STPG2: variants seen among roughly 807,000 people sequenced by gnomAD.
STPG2 encodes the protein sperm tail PG-rich repeat containing 2.
In STPG2, 56 loss-of-function variants were observed where a neutral mutation model predicts 54.2. The ratio of observed to expected loss-of-function variants is 1.03; its 90% CI spans 0.83 to 1.29. The LOEUF (loss-of-function observed/expected upper bound fraction) is 1.29. Among genes scored for constraint, STPG2 ranks in the 50% most tolerant of loss-of-function variants. The probability of loss-of-function intolerance (pLI) is 0.00; values close to 1 mark genes in which losing one functional copy is unlikely to be tolerated. For synonymous variants in STPG2, 200 were observed against 181.8 expected (o/e 1.10, Z -0.81); for missense variants, 596 against 544.9 (o/e 1.09, Z -0.93).
At chr4:97,634,910 C>A (rs1446130373) in intron 10 of STPG2, among the ~76,000 whole-genome samples, 3 of 152,142 alleles carry the variant, frequency 2.0e-5, no homozygotes, top group African/African-American at 7.2e-5. Context: ...AGTTGGAAAA[C>A]ACTCTGCAGG....
chr4:97,802,892 C>A (rs1030637558), intron 9 of STPG2, among the ~76,000 whole-genome samples: 20 of 152,224 alleles, frequency 1.3e-4, no homozygotes, highest in Non-Finnish European at 2.5e-4. Context: ...AAAAAAAGAT[C>A]AACTCAAGTA....
chr4:98,119,762 C>G (rs993286122), intron 3 of STPG2, among the ~76,000 whole-genome samples: 2 of 152,034 alleles, frequency 1.3e-5, no homozygotes, highest in Non-Finnish European at 2.9e-5. Context: ...CCAATGGGCC[C>G]CAGTGTGTGT....
rs570909089 is a variant in STPG2 at position 97,608,433 on chromosome 4, C to T, written c.1321-49316G>A. 1.3e-4 allele frequency among the ~76,000 whole-genome samples: 20 copies of T among 152,128 alleles called. No homozygotes were observed. In the South Asian group the frequency reaches 3.3e-3, roughly 25 times the overall value. On this transcript the variant is annotated intron_variant, in intron 10 of 10. Transcript: ENST00000295268. Reference sequence around the variant, plus strand: ...GCCCGTGTGAAGAGAAGGGAGGAATCGCTGCATCCTTGCTGTACATTTGCT... The same window carrying T: ...GCCCGTGTGAAGAGAAGGGAGGAATTGCTGCATCCTTGCTGTACATTTGCT...
At chr4:97,698,178 G>A (rs902401979) in intron 10 of STPG2, among the ~76,000 whole-genome samples, 1 of 152,070 alleles carries the variant, frequency 6.6e-6, no homozygotes, top group East Asian at 1.9e-4. Context: ...TTTTCTTGGT[G>A]GAGTGACTCA....
At chr4:98,130,662 C>A (rs1327015618) in intron 2 of STPG2, among the ~76,000 whole-genome samples, 1 of 152,012 alleles carries the variant, frequency 6.6e-6, no homozygotes, top group Non-Finnish European at 1.5e-5. Flanking sequence ...GTGGCTCACA[C>A]CTGTAATCCC....
At chr4:97,612,090 T>C (rs1733744611) in intron 10 of STPG2, among the ~76,000 whole-genome samples, 2 of 151,720 alleles carry the variant, frequency 1.3e-5, no homozygotes, top group Admixed American at 1.3e-4. Flanking sequence ...AAGAAAAGAA[T>C]TTAATAATTG....
downstream of STPG2, among the ~76,000 whole-genome samples, chr4:97,557,921 T>C (rs1045000889): frequency 3.9e-5 from 6 of 152,136 alleles, no homozygotes; most frequent in Non-Finnish European, 5.9e-5. Flanking sequence ...AAGAAAGGCA[T>C]AGAAACAAGA....
intron 4 of STPG2, among the ~76,000 whole-genome samples, chr4:97,538,052 A>T (rs1265113445): frequency 2.0e-5 from 3 of 152,198 alleles, no homozygotes; most frequent in African/African-American, 7.2e-5. Flanking sequence ...GTACGTCACC[A>T]TCATCAAAGA....
chr4:98,037,823 T>C (rs1736822052), intron 5 of STPG2, among the ~76,000 whole-genome samples: 1 of 152,006 alleles, frequency 6.6e-6, no homozygotes, highest in African/African-American at 2.4e-5. Context: ...AAAATACAGA[T>C]TTAAAAAGAT....
intron 5 of STPG2, among the ~76,000 whole-genome samples, chr4:98,010,422 C>G (rs911143898): frequency 1.3e-5 from 2 of 151,986 alleles, no homozygotes; most frequent in African/African-American, 4.8e-5. Flanking sequence ...TCTGTTTTGC[C>G]TGATATAAAG....
chr4:97,801,120 T>C (rs1727381283), intron 9 of STPG2, among the ~76,000 whole-genome samples: 1 of 152,208 alleles, frequency 6.6e-6, no homozygotes. Flanking sequence ...CTCTGACCCC[T>C]TGTGCTTCCC....
At chr4:98,099,335 C>T (rs1230546050) in intron 5 of STPG2, among the ~76,000 whole-genome samples, 1 of 152,098 alleles carries the variant, frequency 6.6e-6, no homozygotes, top group Non-Finnish European at 1.5e-5. Flanking sequence ...AACTGGAGGT[C>T]ATTATGTTAA....
chr4:97,461,590 C>G (rs1729665148), intron 4 of STPG2, among the ~76,000 whole-genome samples: 1 of 152,130 alleles, frequency 6.6e-6, no homozygotes, highest in African/African-American at 2.4e-5. Flanking sequence ...AGATTTCTAG[C>G]AAACTGCGAG....
At chr4:97,777,415 G>C (rs1343068328) in intron 9 of STPG2, among the ~76,000 whole-genome samples, 2 of 152,142 alleles carry the variant, frequency 1.3e-5, no homozygotes, top group Non-Finnish European at 2.9e-5. Flanking sequence ...ATGCCTCCCA[G>C]GCAGCATAAA....
intron 7 of STPG2, among the ~76,000 whole-genome samples, chr4:97,948,658 T>A (rs1265325530): frequency 6.6e-6 from 1 of 152,158 alleles, no homozygotes; most frequent in East Asian, 1.9e-4. Context: ...CAACTTGATT[T>A]CATTTTTAAC....
At chr4:97,588,105 T>C (rs529917874) in intron 10 of STPG2, among the ~76,000 whole-genome samples, 19 of 152,074 alleles carry the variant, frequency 1.2e-4, no homozygotes, top group Admixed American at 1.2e-3. Flanking sequence ...GAACCAATCA[T>C]GGTGACTCAC....
At chr4:97,496,593 T>G (rs543002021) in intron 4 of STPG2, among the ~76,000 whole-genome samples, 1 of 151,878 alleles carries the variant, frequency 6.6e-6, no homozygotes, top group East Asian at 1.9e-4. Flanking sequence ...ACATTAGGTT[T>G]GGAAAATAAA....
At chr4:97,953,216 G>T (rs778943073) in intron 7 of STPG2, among the ~76,000 whole-genome samples, 8 of 152,148 alleles carry the variant, frequency 5.3e-5, no homozygotes, top group Non-Finnish European at 1.0e-4. Flanking sequence ...ATGTTCTATG[G>T]AGGAGCATAT....
intron 5 of STPG2, among the ~76,000 whole-genome samples, chr4:98,011,507 C>T (rs963612133): frequency 2.6e-5 from 4 of 152,132 alleles, no homozygotes; most frequent in African/African-American, 4.8e-5. Flanking sequence ...AATAGTATTT[C>T]TGGTTCTAGA....
Sources: gnomAD v4.1 joint callset for allele counts (sites outside exome capture counted in the v4.1 genomes callset) on GRCh38, gnomAD v4.1.1 for gene constraint, MANE v1.5 for transcripts, NCBI Gene and HGNC (gene_info 2026-07-23, HGNC 2026-07-21) for gene names.